The following FBXL17 variants were observed in gnomAD, a reference collection of about 807,000 sequenced individuals.
FBXL17 encodes the protein F-box and leucine rich repeat protein 17, also known as F-box/LRR-repeat protein 17.
A neutral mutation model predicts 66.2 loss-of-function variants in FBXL17; 22 were observed. The observed-to-expected ratio is 0.33, with a 90% CI of 0.24 to 0.47. The LOEUF (loss-of-function observed/expected upper bound fraction) is 0.47. FBXL17 is among the 20% of genes least tolerant of loss of function. FBXL17 has a pLI of 1.00. For missense variants in FBXL17, 878 were observed against 948.2 expected (o/e 0.93, Z 0.97); for synonymous variants, 474 against 400.5 (o/e 1.18, Z -2.19).
chr5:108,329,610 TAA>T (rs1429745743), intron 4 of FBXL17, among the ~76,000 whole-genome samples: 3 of 152,140 alleles, frequency 2.0e-5, no homozygotes, highest in African/African-American at 7.2e-5. Context: ...CTCAATGAAA[TAA>T]GTCTTTAACA....
chr5:108,126,684 T>TATATATATACATAC, intron 6 of FBXL17, among the ~76,000 whole-genome samples: 1 of 135,546 alleles, frequency 7.4e-6, no homozygotes, highest in Non-Finnish European at 1.6e-5. Flanking sequence ...TATATATATA[T>TATATATATACATAC]ACACACATAC....
chr5:108,270,960 C>A (rs1040742223), intron 4 of FBXL17, among the ~76,000 whole-genome samples: 3 of 151,960 alleles, frequency 2.0e-5, no homozygotes, highest in Non-Finnish European at 2.9e-5. Context: ...CTCCCCCTTT[C>A]CCCCTCTCCT....
chr5:108,154,673 G>GTA (rs1224668134), intron 6 of FBXL17, among the ~76,000 whole-genome samples: 4 of 134,252 alleles, frequency 3.0e-5, no homozygotes, highest in African/African-American at 8.4e-5. Context: ...ATATATATGT[G>GTA]TATATATATA....
rs372714197 is a variant in FBXL17 at position 108,326,050 on chromosome 5, T to A, written c.1506+22349A>T. 4.3e-4 allele frequency among the ~76,000 whole-genome samples: 65 copies of A among 152,182 alleles called. 1 individual carries two copies. The Middle Eastern group carries it at 0.01, about 24-fold the overall frequency. On this transcript the variant is annotated intron_variant, in intron 4 of 8. Transcript: ENST00000542267. The stretch of plus-strand genomic sequence containing the variant: ...TTTACACTTTAAGGGTGGAACATGA[T>A]AAACAAACAATAACAGAGAAAAACA...
At chr5:107,893,756 T>C (rs1749281174) in intron 7 of FBXL17, among the ~76,000 whole-genome samples, 2 of 152,224 alleles carry the variant, frequency 1.3e-5, no homozygotes, top group African/African-American at 2.4e-5. Flanking sequence ...CTCTGACACC[T>C]AGGTGGTATT....
Position 108,364,839 on chromosome 5 carries a change from G to A in FBXL17, c.1273C>T (p.Leu425Phe). Residue 425 changes from leucine to phenylalanine, a missense_variant, in exon 3 of 9, where the codon CTT becomes TTT. Leu to Phe is a conservative substitution (Grantham distance 22). This residue lies in a region of FBXL17 where 236 missense variants were observed against 389.1 expected (regional missense o/e 0.61). Coordinates refer to ENST00000542267, the MANE Select transcript of FBXL17 (RefSeq NM_001163315.3). ...LRYTAYRCKQLSDTSIIAVAS... is the reference protein window; with the variant it reads ...LRYTAYRCKQFSDTSIIAVAS... ...ACCGCAATAATAGAGGTGTCAGAAAGCTGTTTACACCTGTAGGCTGTATAC... is the reference window on the plus strand; with the variant it reads ...ACCGCAATAATAGAGGTGTCAGAAAACTGTTTACACCTGTAGGCTGTATAC... 1 of 1,612,964 alleles carries A rather than the reference G, an allele frequency of 6.2e-7. No individual in the cohort carries two copies. The highest frequency in any genetic ancestry group is 2.2e-5 in the East Asian group (1 of 44,840).
chr5:108,021,002 C>G lies in FBXL17; in HGVS notation c.1746-1G>C. ...TTCCTTTGCAATGACCTCCACACAC[C>G]TGAAACATACAAAAAGTGGTTATAC... On this transcript the variant is annotated splice_acceptor_variant, in intron 6 of 8. Coordinates refer to ENST00000542267, the MANE Select transcript of FBXL17 (RefSeq NM_001163315.3). LOFTEE classifies it high-confidence loss of function. 6.2e-7 allele frequency: 1 copy of G among 1,607,608 alleles called. No homozygotes were observed. The highest frequency in any genetic ancestry group is 8.5e-7 in the Non-Finnish European group (1 of 1,175,016).
At chr5:108,305,068 G>C (rs1441723572) in intron 4 of FBXL17, among the ~76,000 whole-genome samples, 1 of 151,966 alleles carries the variant, frequency 6.6e-6, no homozygotes, top group African/African-American at 2.4e-5. Flanking sequence ...ACCTCATAAA[G>C]CTGTCATAAA....
At chr5:107,890,108 C>T (rs765536054) in intron 7 of FBXL17, among the ~76,000 whole-genome samples, 7 of 152,092 alleles carry the variant, frequency 4.6e-5, no homozygotes, top group African/African-American at 1.7e-4. Flanking sequence ...TTCAATGATT[C>T]TTTTTTATTC....
rs186568128 is a variant in FBXL17, at chr5:108,166,135, C to T, written c.1745+19982G>A. ...TGAGGTATATATATAATTCTACTGA[C>T]AAATATCTCAGGAAAGAGTCAAGTG... On this transcript the variant is annotated intron_variant, in intron 6 of 8. Transcript: ENST00000542267. Among the ~76,000 whole-genome samples the T allele has an allele frequency of 3.2e-3, 481 of 152,268 alleles. 1 individual carries two copies. Among genetic ancestry groups the T allele is most frequent in the Non-Finnish European group, 4.4e-3 (299 of 68,032 alleles).
chr5:108,050,809 C>T (rs1747442011), intron 6 of FBXL17, among the ~76,000 whole-genome samples: 1 of 151,774 alleles, frequency 6.6e-6, no homozygotes, highest in African/African-American at 2.4e-5. Flanking sequence ...AGACTGCTAG[C>T]TAGACTAATA....
chr5:108,341,530 T>C (rs565216851), intron 4 of FBXL17, among the ~76,000 whole-genome samples: 2 of 152,230 alleles, frequency 1.3e-5, no homozygotes, highest in East Asian at 3.9e-4. Flanking sequence ...CTGTTATTAC[T>C]CCTTTTTGTA....
intron 7 of FBXL17, among the ~76,000 whole-genome samples, chr5:107,941,939 T>C (rs554173322): frequency 6.6e-6 from 1 of 152,294 alleles, no homozygotes; most frequent in South Asian, 2.1e-4. Flanking sequence ...ATTACTGAAC[T>C]ACTGGCACTT....
intron 6 of FBXL17, among the ~76,000 whole-genome samples, chr5:108,059,071 G>C (rs565988326): frequency 6.6e-6 from 1 of 152,102 alleles, no homozygotes; most frequent in African/African-American, 2.4e-5. Context: ...CGGAACAAAG[G>C]CTCGTTTCAC....
chr5:108,009,832 C>T (rs956435381), intron 7 of FBXL17, among the ~76,000 whole-genome samples: 3 of 152,042 alleles, frequency 2.0e-5, no homozygotes, highest in Non-Finnish European at 4.4e-5. Context: ...GGTTCTTTGC[C>T]TCCAAAAAAT....
Position 108,219,837 on chromosome 5 carries a change from C to T in FBXL17, c.1614+4284G>A, listed in dbSNP as rs983436692. On this transcript the variant is annotated intron_variant, in intron 5 of 8. Coordinates refer to ENST00000542267, the MANE Select transcript of FBXL17 (RefSeq NM_001163315.3). Reference sequence around the variant, plus strand: ...CTAGAGATTTATCAATTTTATCTATCTTATCAAATCACTAGCTTTTGGTTT... The same window carrying T: ...CTAGAGATTTATCAATTTTATCTATTTTATCAAATCACTAGCTTTTGGTTT... 4.6e-5 allele frequency among the ~76,000 whole-genome samples: 7 copies of T among 150,556 alleles called. No homozygotes were observed. In the South Asian group the frequency reaches 1.3e-3, roughly 27 times the overall value.
intron 4 of FBXL17, among the ~76,000 whole-genome samples, chr5:108,258,133 T>C (rs2150122096): frequency 6.6e-6 from 1 of 152,274 alleles, no homozygotes; most frequent in East Asian, 1.9e-4. Flanking sequence ...AGATAGGGTC[T>C]TTGGAATGTA....
chr5:107,884,050 A>G (rs901432869), intron 7 of FBXL17, among the ~76,000 whole-genome samples: 1 of 152,240 alleles, frequency 6.6e-6, no homozygotes, highest in Non-Finnish European at 1.5e-5. Flanking sequence ...AGAGAGATTT[A>G]TTCAGTGATT....
intron 6 of FBXL17, among the ~76,000 whole-genome samples, chr5:108,052,135 GAA>G (rs796881130): frequency 1.5e-3 from 52 of 33,844 alleles, no homozygotes; most frequent in African/African-American, 3.6e-3. Flanking sequence ...AAAAAAAAAA[GAA>G]AAAAGAAAAA....
Sources: gnomAD v4.1 joint callset for allele counts (sites outside exome capture counted in the v4.1 genomes callset) on GRCh38, gnomAD v4.1.1 for gene constraint, gnomAD v4.1.1 regional missense constraint, MANE v1.5 for transcripts, NCBI Gene and HGNC (gene_info 2026-07-23, HGNC 2026-07-21) for gene names.